The following SLAMF1 variants were observed in gnomAD, a reference collection of about 807,000 sequenced individuals.
SLAMF1 encodes the protein signaling lymphocytic activation molecule family member 1.
Under a neutral mutation model 35.1 loss-of-function variants are expected in SLAMF1, and 18 were observed. The observed-to-expected ratio is 0.51, with a 90% CI of 0.35 to 0.76. SLAMF1 has a LOEUF of 0.76. Ranked by LOEUF, SLAMF1 falls within the 30% of genes least tolerant of loss-of-function variation. The pLI, the probability that SLAMF1 is intolerant of heterozygous loss-of-function variation, is 0.01. For synonymous variants in SLAMF1, 168 were observed against 157.2 expected, an observed-to-expected ratio of 1.07 and a Z score of -0.51; for missense variants, 392 against 413.0, an observed-to-expected ratio of 0.95 and a Z score of 0.44.
In SLAMF1 at chr1:160,634,745, T is replaced by C; in HGVS notation, c.568A>G (p.Ser190Gly). The C allele has an allele frequency of 6.2e-7, 1 of 1,614,140 alleles. No homozygotes were observed. The highest frequency in any genetic ancestry group is 1.1e-5 in the South Asian group (1 of 91,082). The change falls in exon 3 of 7, where the codon AGC (serine) becomes GGC (glycine). Residue 190 changes from serine to glycine, a missense_variant. Coordinates refer to ENST00000302035, the MANE Select transcript of SLAMF1 (RefSeq NM_003037.5). ...AGGGTGAGGGACAGGAGGTGGGAGC[T>C]GTTGGCTGGGTTCAGTGGGTGGGTG... ...AGTHPLNPAN[S>G]SHLLSLTLGP...
At position 160,608,443 on chromosome 1, in the gene SLAMF1, T is replaced by C. The variant is rs931407827; in HGVS notation, c.*2305A>G. 3 of 152,258 alleles carry C rather than the reference T, an allele frequency of 2.0e-5. No individual in the cohort carries two copies. Among genetic ancestry groups the C allele is most frequent in the African/African-American group, 7.2e-5 (3 of 41,454 alleles). The allele number at this position is 152,258 out of a possible 1,614,324, so 9.4% of individuals were successfully genotyped here. On this transcript the variant is annotated 3_prime_UTR_variant, in exon 7 of 7. Coordinates refer to ENST00000302035, the MANE Select transcript of SLAMF1 (RefSeq NM_003037.5). The stretch of plus-strand genomic sequence containing the variant: ...GGAAAAGGCAAGCTCCCGCTCCCCA[T>C]AGTGCCATTTGGGGGAAACTAGAGA...
intron 1 of SLAMF1, among the ~76,000 whole-genome samples, chr1:160,640,024 G>A (rs1391767221): frequency 6.6e-6 from 1 of 152,016 alleles, no homozygotes; most frequent in Non-Finnish European, 1.5e-5. Flanking sequence ...GCTCAAAACA[G>A]TTTCTCCTCC....
At chr1:160,614,225 A>T (rs1475912626) in intron 5 of SLAMF1, among the ~76,000 whole-genome samples, 1 of 152,202 alleles carries the variant, frequency 6.6e-6, no homozygotes, top group South Asian at 2.1e-4. Context: ...AGAAATTTTG[A>T]GTTTAAGAAA....
chr1:160,645,642 A>G (rs34591977), intron 1 of SLAMF1, among the ~76,000 whole-genome samples: 3,625 of 152,286 alleles, frequency 0.024, 52 homozygotes, highest in Non-Finnish European at 0.034. Flanking sequence ...GGTTGCAACA[A>G]CGGAGGCTTG....
intron 1 of SLAMF1, among the ~76,000 whole-genome samples, chr1:160,644,538 A>G (rs891500263): frequency 3.9e-5 from 6 of 152,234 alleles, no homozygotes; most frequent in South Asian, 2.1e-4. Flanking sequence ...CTCTCAGTAC[A>G]GACACAGTGT....
At chr1:160,630,569 A>G (rs1660113411) in intron 3 of SLAMF1, among the ~76,000 whole-genome samples, 1 of 152,088 alleles carries the variant, frequency 6.6e-6, no homozygotes, top group South Asian at 2.1e-4. Flanking sequence ...CTTTCATCCC[A>G]AGGCTGGGGT....
chr1:160,636,187 T>G (rs962903705), intron 2 of SLAMF1, among the ~76,000 whole-genome samples: 5 of 152,226 alleles, frequency 3.3e-5, no homozygotes, highest in African/African-American at 9.6e-5. Context: ...ATGCATCATG[T>G]GCAGCCTCCA....
At chr1:160,639,276 AG>A (rs1379493134) in intron 1 of SLAMF1, among the ~76,000 whole-genome samples, 4 of 151,690 alleles carry the variant, frequency 2.6e-5, no homozygotes, top group Non-Finnish European at 5.9e-5. Context: ...CCCAGGCTGG[AG>A]TGCAATGTTG....
intron 1 of SLAMF1, among the ~76,000 whole-genome samples, chr1:160,641,245 G>A (rs12029156): frequency 3.3e-5 from 5 of 152,018 alleles, no homozygotes; most frequent in African/African-American, 7.3e-5. Flanking sequence ...AATTGCTAGC[G>A]TAGTGTTGAT....
At chr1:160,610,852 A>G in intron 6 of SLAMF1, 54 bp from the exon 7 acceptor site, 1 of 1,313,410 alleles carries the variant, frequency 7.6e-7, no homozygotes, top group East Asian at 2.3e-5. Flanking sequence ...CACTTCACAG[A>G]ATGCAAATGA....
At chr1:160,621,101 C>G (rs899737536) in intron 4 of SLAMF1, among the ~76,000 whole-genome samples, 1 of 152,116 alleles carries the variant, frequency 6.6e-6, no homozygotes, top group Non-Finnish European at 1.5e-5. Context: ...TGCACAGTAT[C>G]CTTTGTATAC....
chr1:160,636,065 T>C (rs1660441554), intron 2 of SLAMF1, among the ~76,000 whole-genome samples: 1 of 152,202 alleles, frequency 6.6e-6, no homozygotes, highest in Non-Finnish European at 1.5e-5. Context: ...AAAAATGCCA[T>C]GGTTGCAGAG....
chr1:160,637,036 G>A (rs1431664083), intron 2 of SLAMF1, 155 bp downstream of exon 2: 4 of 609,366 alleles, frequency 6.6e-6, no homozygotes, highest in East Asian at 2.8e-5. Context: ...CCTTTAAAAC[G>A]TCTTCCATGC....
At chr1:160,621,848 G>A (rs537859234) in intron 4 of SLAMF1, among the ~76,000 whole-genome samples, 18 of 125,864 alleles carry the variant, frequency 1.4e-4, no homozygotes, top group South Asian at 4.8e-4. Flanking sequence ...AGGAGTGTGC[G>A]TGAGTGCGTG....
chr1:160,624,270 T>TTTATTTCTATTTCTG, intron 3 of SLAMF1, 85 bp from the exon 4 acceptor site: 1 of 948,612 alleles, frequency 1.1e-6, no homozygotes, highest in African/African-American at 1.7e-5. Context: ...TAATGGAGCC[T>TTTATTTCTATTTCTG]CATGTTCTAT....
At chr1:160,623,030 T>C (rs754752979) in intron 4 of SLAMF1, among the ~76,000 whole-genome samples, 4 of 152,114 alleles carry the variant, frequency 2.6e-5, no homozygotes, top group Non-Finnish European at 5.9e-5. Context: ...AGGATGGGTA[T>C]GTGTGTTGGG....
At chr1:160,614,342 G>C (rs1659170092) in intron 5 of SLAMF1, among the ~76,000 whole-genome samples, 1 of 152,198 alleles carries the variant, frequency 6.6e-6, no homozygotes, top group African/African-American at 2.4e-5. Flanking sequence ...TTGGGAGGCT[G>C]AGGTGGGTGG....
Position 160,634,817 on chromosome 1 carries a change from C to T in SLAMF1, c.496G>A (p.Val166Met). 5.6e-6 allele frequency: 9 copies of T among 1,614,176 alleles called. No homozygotes were observed. Among genetic ancestry groups the T allele is most frequent in the Non-Finnish European group, 6.8e-6 (8 of 1,180,024 alleles). The part of the protein sequence containing the change: ...GTCTLILGCT[V>M]EKGDHVAYSW... ...TAAGCCACATGGTCCCCCTTCTCCA[C>T]TGTGCAGCCCAGTATCAAGGTGCAG... The change falls in exon 3 of 7, where the codon GTG becomes ATG. Residue 166 changes from valine (V) to methionine (M), a missense_variant. Val to Met is a conservative substitution (Grantham distance 21). Coordinates refer to ENST00000302035, the MANE Select transcript of SLAMF1 (RefSeq NM_003037.5).
At chr1:160,614,651 T>C (rs56367214) in intron 5 of SLAMF1, among the ~76,000 whole-genome samples, 32,848 of 151,806 alleles carry the variant, frequency 0.22, 4,212 homozygotes, top group Middle Eastern at 0.36. Flanking sequence ...GGGAGAACTT[T>C]AGCATAACCT....
Sources: allele counts gnomAD v4.1 joint callset (sites outside exome capture counted in the v4.1 genomes callset), GRCh38; gene constraint gnomAD v4.1.1; transcripts MANE v1.5; gene names NCBI Gene and HGNC (gene_info 2026-07-23, HGNC 2026-07-21).